Variants in MACROD2 observed in about 807,000 individuals in gnomAD.
MACROD2 encodes mono-ADP ribosylhydrolase 2.
MACROD2 carries 36 observed loss-of-function variants against 70.4 expected under a neutral mutation model. The ratio of observed to expected loss-of-function variants is 0.51; its 90% CI spans 0.39 to 0.68. MACROD2 has a LOEUF of 0.68. Among genes scored for constraint, MACROD2 ranks in the 30% least tolerant of loss-of-function variants. The pLI, the probability that MACROD2 is intolerant of heterozygous loss-of-function variation, is 0.00. For missense variants in MACROD2, 496 were observed against 538.4 expected (o/e 0.92, Z 0.78); for synonymous variants, 172 against 178.8 (o/e 0.96, Z 0.30).
chr20:14,114,582 A>C lies in MACROD2; in HGVS notation c.271+28854A>C, dbSNP rs2148687572. On this transcript the variant is annotated intron_variant, in intron 3 of 17. Coordinates refer to ENST00000684519, the MANE Select transcript of MACROD2 (RefSeq NM_001351661.2). ...GAGGATTAGTTGCACCCTGACATGA[A>C]CTGTTACATTTTATAAGAAGATTGA... 2.6e-5 allele frequency among the ~76,000 whole-genome samples: 4 copies of C among 152,188 alleles called. No individual in the cohort carries two copies. In the Middle Eastern group the frequency reaches 0.014, roughly 518 times the overall value.
At chr20:14,392,022 ACTT>A (rs1201125384) in intron 3 of MACROD2, among the ~76,000 whole-genome samples, 1 of 151,544 alleles carries the variant, frequency 6.6e-6, no homozygotes. Flanking sequence ...TAGGAATGCG[ACTT>A]CTTTTTTTTT....
intron 10 of MACROD2, among the ~76,000 whole-genome samples, chr20:15,913,031 A>G (rs2147271008): frequency 6.6e-6 from 1 of 152,306 alleles, no homozygotes; most frequent in South Asian, 2.1e-4. Flanking sequence ...TCTCATCTGT[A>G]AAATGGGAAT....
intron 6 of MACROD2, among the ~76,000 whole-genome samples, chr20:15,355,270 A>C (rs2078273675): frequency 6.6e-6 from 1 of 152,198 alleles, no homozygotes; most frequent in African/African-American, 2.4e-5. Flanking sequence ...ACTGGCTATA[A>C]ATATCGAGGT....
chr20:14,673,302 A>AG (rs1326999697), intron 4 of MACROD2, among the ~76,000 whole-genome samples: 1 of 152,220 alleles, frequency 6.6e-6, no homozygotes, highest in African/African-American at 2.4e-5. Context: ...CACTTAACAC[A>AG]GGGCCCAATT....
chr20:14,325,748 G>A (rs2082722041), intron 3 of MACROD2: 1 of 1,613,924 alleles, frequency 6.2e-7, no homozygotes, highest in African/African-American at 1.3e-5. Flanking sequence ...CTGATTTCCA[G>A]GATAGAGTTG....
At position 15,511,985 on chromosome 20, in the gene MACROD2, A is replaced by T. The variant is rs1474410193; in HGVS notation, c.645+12138A>T. 2.6e-5 allele frequency among the ~76,000 whole-genome samples: 4 copies of T among 152,246 alleles called. No homozygotes were observed. The South Asian group carries it at 8.3e-4, about 32-fold the overall frequency. On this transcript the variant is annotated intron_variant, in intron 8 of 17. Transcript: ENST00000684519. ...AAAGATTAGGCCAGTTGCTCTCAACAATCTTTTATGGCTAAGACATACTGC... is the reference window on the plus strand; with the variant it reads ...AAAGATTAGGCCAGTTGCTCTCAACTATCTTTTATGGCTAAGACATACTGC...
At chr20:15,503,200 T>C (rs2047385851) in intron 8 of MACROD2, among the ~76,000 whole-genome samples, 1 of 152,166 alleles carries the variant, frequency 6.6e-6, no homozygotes, top group Non-Finnish European at 1.5e-5. Flanking sequence ...TGGGTAAATT[T>C]TGGTGCATTT....
chr20:14,787,445 T>A (rs2072388652), intron 5 of MACROD2, among the ~76,000 whole-genome samples: 1 of 152,100 alleles, frequency 6.6e-6, no homozygotes, highest in Non-Finnish European at 1.5e-5. Flanking sequence ...CTTGAAGAGA[T>A]GTAATATGAA....
rs554371355 is a variant in MACROD2, at chr20:15,371,695, C to T, written c.541-59710C>T. Among the ~76,000 whole-genome samples the T allele has an allele frequency of 5.3e-5, 8 of 152,078 alleles. No homozygotes were observed. The East Asian group carries it at 9.7e-4, about 18-fold the overall frequency. ...TAGGGGGATAGCCAAGAGTTTTCTT[C>T]GGTTCTTGTATTATCATTAAATTTT... On this transcript the variant is annotated intron_variant, in intron 6 of 17. Coordinates refer to ENST00000684519, the MANE Select transcript of MACROD2 (RefSeq NM_001351661.2).
chr20:15,441,926 A>C (rs950727736), intron 7 of MACROD2, among the ~76,000 whole-genome samples: 1 of 152,208 alleles, frequency 6.6e-6, no homozygotes, highest in African/African-American at 2.4e-5. Context: ...AACTCTGGGA[A>C]TATCTTTCAG....
At chr20:14,063,420 C>G (rs1271746108) in intron 2 of MACROD2, among the ~76,000 whole-genome samples, 1 of 152,158 alleles carries the variant, frequency 6.6e-6, no homozygotes, top group Non-Finnish European at 1.5e-5. Flanking sequence ...TTAGGCACAT[C>G]CATATGCTGG....
At chr20:15,593,714 C>T (rs1030638822) in intron 8 of MACROD2, among the ~76,000 whole-genome samples, 1 of 152,176 alleles carries the variant, frequency 6.6e-6, no homozygotes, top group Non-Finnish European at 1.5e-5. Context: ...ATTTTGCTTT[C>T]ATCTGAATAG....
intron 2 of MACROD2, among the ~76,000 whole-genome samples, chr20:14,080,588 A>G (rs1478701681): frequency 1.3e-5 from 2 of 152,146 alleles, no homozygotes; most frequent in Non-Finnish European, 2.9e-5. Flanking sequence ...CTTATTTTGT[A>G]AACAAGAGTT....
chr20:14,444,014 T>G (rs1472055895), intron 3 of MACROD2, among the ~76,000 whole-genome samples: 1 of 152,170 alleles, frequency 6.6e-6, no homozygotes, highest in Non-Finnish European at 1.5e-5. Flanking sequence ...TTATTTTAAG[T>G]AATTTAGTTA....
intron 4 of MACROD2, among the ~76,000 whole-genome samples, chr20:14,598,580 A>G (rs992742711): frequency 6.6e-6 from 1 of 152,196 alleles, no homozygotes; most frequent in Non-Finnish European, 1.5e-5. Context: ...GATTTAGCCA[A>G]CATTTCTCTT....
At chr20:14,900,880 A>AG (rs2073887224) in intron 5 of MACROD2, among the ~76,000 whole-genome samples, 1 of 151,334 alleles carries the variant, frequency 6.6e-6, no homozygotes, top group African/African-American at 2.4e-5. Context: ...GGTTTCTTTC[A>AG]GATTTTCTTT....
chr20:15,788,038 G>A (rs1324092720), intron 8 of MACROD2, among the ~76,000 whole-genome samples: 3 of 152,164 alleles, frequency 2.0e-5, no homozygotes, highest in African/African-American at 7.2e-5. Context: ...TGACTTTGAG[G>A]ATAATTCTTT....
At position 15,962,725 on chromosome 20, in the gene MACROD2, A is replaced by AATGATTG. The variant is rs1421512129; in HGVS notation, c.908-4827_908-4821dup. On this transcript the variant is annotated intron_variant, in intron 12 of 17. Coordinates refer to ENST00000684519, the MANE Select transcript of MACROD2 (RefSeq NM_001351661.2). ...TGTCCCTGAATTCCATATCTCTGGG[A>AATGATTG]ATGATTGGCCATCTTTTAATGGAGG... is the stretch of plus-strand genomic sequence containing the variant. Among the ~76,000 whole-genome samples the AATGATTG allele has an allele frequency of 7.2e-5, 11 of 152,174 alleles. No homozygotes were observed. The South Asian group carries it at 1.7e-3, about 23-fold the overall frequency.
intron 3 of MACROD2, among the ~76,000 whole-genome samples, chr20:14,393,537 T>C (rs2083549828): frequency 6.6e-6 from 1 of 152,168 alleles, no homozygotes; most frequent in African/African-American, 2.4e-5. Context: ...ATGCGTAATA[T>C]CTGCTCTTTC....
Sources: gnomAD v4.1 joint callset for allele counts (sites outside exome capture counted in the v4.1 genomes callset) on GRCh38, gnomAD v4.1.1 for gene constraint, MANE v1.5 for transcripts, NCBI Gene and HGNC (gene_info 2026-07-23, HGNC 2026-07-21) for gene names.